The following UBAP2L variants were observed in gnomAD, a reference collection of about 807,000 sequenced individuals.
UBAP2L encodes ubiquitin-associated protein 2-like.
In UBAP2L, 12 loss-of-function variants were observed where a neutral mutation model predicts 130.6. The ratio of observed to expected loss-of-function variants is 0.09; its 90% CI spans 0.06 to 0.15. The LOEUF is 0.15. UBAP2L is among the 10% of genes least tolerant of loss of function. UBAP2L has a pLI of 1.00. For missense variants in UBAP2L, 965 were observed against 1,332.5 expected (o/e 0.72, Z 4.29); for synonymous variants, 503 against 524.7 (o/e 0.96, Z 0.57).
rs770656735 is a variant in UBAP2L at position 154,234,705 on chromosome 1, C to T, written c.394C>T (p.Arg132Trp). 21 of 1,612,478 alleles carry T rather than the reference C, an allele frequency of 1.3e-5. No homozygotes were observed. Among genetic ancestry groups the T allele is most frequent in the African/African-American group, 8.0e-5 (6 of 74,872 alleles). The change falls in exon 5 of 27, where the codon CGG becomes TGG. Residue 132 changes from arginine (R) to tryptophan (W), a missense_variant. Coordinates refer to ENST00000428931, the MANE Select transcript of UBAP2L (RefSeq NM_014847.4). ...ENRDRDRDYS[R>W]RRGGPPRRGR... is the part of the protein sequence containing the mutation. ...TCGAGACCGGGACAGAGACTATAGT[C>T]GGCGACGTGGTGGGCCACCAAGACG...
chr1:154,221,867 A>T (rs1666272864), intron 1 of UBAP2L, among the ~76,000 whole-genome samples: 1 of 152,170 alleles, frequency 6.6e-6, no homozygotes, highest in Non-Finnish European at 1.5e-5. Context: ...GGGTGTATTT[A>T]CGCTTAAGGG....
chr1:154,240,915 A>G (rs933844534), intron 8 of UBAP2L, among the ~76,000 whole-genome samples: 6 of 150,274 alleles, frequency 4.0e-5, no homozygotes, highest in Non-Finnish European at 7.4e-5. Context: ...TGCTTTGAGC[A>G]TTGGGTGGTT....
At chr1:154,230,071 A>G (rs1353540955) in intron 4 of UBAP2L, among the ~76,000 whole-genome samples, 1 of 151,832 alleles carries the variant, frequency 6.6e-6, no homozygotes, top group East Asian at 1.9e-4. Flanking sequence ...GCCGGAGTAC[A>G]TCTCGGCTCA....
At chr1:154,221,814 A>G (rs891941984) in intron 1 of UBAP2L, among the ~76,000 whole-genome samples, 1 of 152,146 alleles carries the variant, frequency 6.6e-6, no homozygotes, top group African/African-American at 2.4e-5. Context: ...GGGTACCCCA[A>G]ACAATTGTGT....
intron 24 of UBAP2L, among the ~76,000 whole-genome samples, chr1:154,264,174 G>A (rs953579340): frequency 2.0e-5 from 3 of 152,174 alleles, no homozygotes; most frequent in African/African-American, 7.2e-5. Flanking sequence ...TAAAGTTAAC[G>A]TGGACAGTGA....
rs775886088 is a variant in UBAP2L, at chr1:154,270,384, G to A, written c.*89G>A. ...AACAGCATCAAAGAGAAAGGAATGT[G>A]GGGGGTTTCCGCTGCCCCCCACCCC... is the stretch of plus-strand genomic sequence containing the variant. On this transcript the variant is annotated 3_prime_UTR_variant, in exon 27 of 27. Coordinates refer to ENST00000428931, the MANE Select transcript of UBAP2L (RefSeq NM_014847.4). 6.4e-7 allele frequency: 1 copy of A among 1,573,556 alleles called. No individual in the cohort carries two copies. The highest frequency in any genetic ancestry group is 1.4e-5 in the African/African-American group (1 of 73,970).
chr1:154,270,511 C>A lies in UBAP2L; in HGVS notation c.*216C>A, dbSNP rs577160181. The stretch of plus-strand genomic sequence containing the variant: ...GATTTGTATTTTCTCCTTTTTTTTC[C>A]CCCTTCCATTCCTTCTCCCCTCTTG... On this transcript the variant is annotated 3_prime_UTR_variant, in exon 27 of 27. Transcript: ENST00000428931. 1 of 1,445,566 alleles carries A rather than the reference C, an allele frequency of 6.9e-7. No homozygotes were observed. Among genetic ancestry groups the A allele is most frequent in the Non-Finnish European group, 9.1e-7 (1 of 1,103,266 alleles). 89.5% of individuals were successfully genotyped at this position (1,445,566 alleles called of 1,614,324 possible).
At chr1:154,254,222 C>T (rs1391660638) in intron 15 of UBAP2L, 133 bp downstream of exon 15, 1 of 825,460 alleles carries the variant, frequency 1.2e-6, no homozygotes, top group Non-Finnish European at 1.8e-6. Flanking sequence ...TTGAAAAAGG[C>T]ACACATCTGT....
intron 9 of UBAP2L, among the ~76,000 whole-genome samples, chr1:154,241,977 C>T (rs1024753470): frequency 4.6e-5 from 7 of 152,150 alleles, no homozygotes; most frequent in African/African-American, 1.4e-4. Context: ...GGATCCAAAG[C>T]GAGTGTTGTG....
rs754770608 is a variant in UBAP2L at position 154,251,306 on chromosome 1, C to T, written c.1479C>T (p.Ser493=). Residue 493 remains serine, a synonymous_variant, in exon 13 of 27, where the codon TCC becomes TCT. Coordinates refer to ENST00000428931, the MANE Select transcript of UBAP2L (RefSeq NM_014847.4). ...TGAAACAGCAGAAGAAAAAAGCCTC[C>T]TTGACTTCTAAGGTACTTAAACTTT... ...QKLKQQKKKA[S]LTSKIPALAV... is the part of the protein sequence containing the mutation. 3.7e-6 allele frequency: 6 copies of T among 1,612,870 alleles called. 1 individual carries two copies. The Admixed American group carries it at 1.0e-4, about 27-fold the overall frequency.
At chr1:154,263,730 C>G (rs1479682149) in intron 24 of UBAP2L, among the ~76,000 whole-genome samples, 1 of 152,202 alleles carries the variant, frequency 6.6e-6, no homozygotes, top group Non-Finnish European at 1.5e-5. Flanking sequence ...CCTGATTCTC[C>G]ATGCTTATGT....
chr1:154,270,725 A>G lies in UBAP2L; in HGVS notation c.*430A>G. ...CAAACAAAAAAATGGCGTCATGAAT[A>G]TGAACAGCATTGTCAGATGAATTAG... On this transcript the variant is annotated 3_prime_UTR_variant, in exon 27 of 27. Transcript: ENST00000428931. 2 of 1,413,928 alleles carry G rather than the reference A, an allele frequency of 1.4e-6. No homozygotes were observed. The highest frequency in any genetic ancestry group is 9.2e-7 in the Non-Finnish European group (1 of 1,090,464). The allele number at this position is 1,413,928 out of a possible 1,614,324, so 87.6% of individuals were successfully genotyped here.
chr1:154,222,467 G>A (rs1666582693), intron 1 of UBAP2L, among the ~76,000 whole-genome samples: 1 of 152,184 alleles, frequency 6.6e-6, no homozygotes, highest in Non-Finnish European at 1.5e-5. Flanking sequence ...CTTTGTGAAT[G>A]GGAAATATTG....
intron 1 of UBAP2L, among the ~76,000 whole-genome samples, chr1:154,223,465 T>TAC (rs1463908393): frequency 2.0e-5 from 3 of 152,150 alleles, no homozygotes; most frequent in Non-Finnish European, 2.9e-5. Flanking sequence ...TTTATATATA[T>TAC]ACGTATATAT....
At chr1:154,255,999 T>C (rs1679510431) in intron 18 of UBAP2L, among the ~76,000 whole-genome samples, 1 of 152,208 alleles carries the variant, frequency 6.6e-6, no homozygotes, top group African/African-American at 2.4e-5. Context: ...TTTCCCCTAC[T>C]GAATATATAG....
Position 154,240,345 on chromosome 1 carries a change from A to C in UBAP2L, c.704-1168A>C, listed in dbSNP as rs555455606. 1.4e-3 allele frequency among the ~76,000 whole-genome samples: 210 copies of C among 152,192 alleles called. 1 individual carries two copies. Among genetic ancestry groups the C allele is most frequent in the Non-Finnish European group, 2.3e-3 (154 of 68,012 alleles). Reference sequence around the variant, plus strand: ...CTGAAAATATATGTATACATGAAGCACAAAAAAGGAATGTGGAAGGTGGTT... The same window carrying C: ...CTGAAAATATATGTATACATGAAGCCCAAAAAAGGAATGTGGAAGGTGGTT... On this transcript the variant is annotated intron_variant, in intron 8 of 26. Coordinates refer to ENST00000428931, the MANE Select transcript of UBAP2L (RefSeq NM_014847.4).
rs1679949028 is a variant in UBAP2L at position 154,257,148 on chromosome 1, C to T, written c.2243C>T (p.Pro748Leu). 1.7e-5 allele frequency: 27 copies of T among 1,614,210 alleles called. No homozygotes were observed. The highest frequency in any genetic ancestry group is 2.3e-5 in the Non-Finnish European group (27 of 1,180,048). Residue 748 changes from proline to leucine, a missense_variant, in exon 19 of 27, where the codon CCA (proline) becomes CTA (leucine). Pro to Leu is a moderately conservative substitution (Grantham distance 98). Around this residue, in one of 9 missense-constraint regions of UBAP2L, gnomAD observed 393 missense variants for 408.1 expected, o/e 0.96. Coordinates refer to ENST00000428931, the MANE Select transcript of UBAP2L (RefSeq NM_014847.4). The stretch of plus-strand genomic sequence containing the variant: ...TCCAGCACAGTCTCTGCACCTCCCC[C>T]AGTGGTCAGTGTCTCCTCCAGTCTC... ...TTSSTVSAPP[P>L]VVSVSSSLNS...
At chr1:154,246,978 CAG>C (rs1406711298) in intron 11 of UBAP2L, among the ~76,000 whole-genome samples, 3 of 152,174 alleles carry the variant, frequency 2.0e-5, no homozygotes, top group East Asian at 1.9e-4. Context: ...CTTGTTGACT[CAG>C]AGCATTTAAA....
rs1445904746 is a variant in UBAP2L, at chr1:154,243,362, A to G, written c.842+60A>G. 25 of 1,514,420 alleles carry G rather than the reference A, an allele frequency of 1.7e-5. No individual in the cohort carries two copies. The East Asian group carries it at 2.5e-4, about 15-fold the overall frequency. 93.8% of individuals were successfully genotyped at this position (1,514,420 alleles called of 1,614,324 possible). A position where few individuals can be genotyped will look rare whatever the true frequency, so the allele number is the denominator to read the frequency against. On this transcript the variant is annotated intron_variant, in intron 10 of 26. Coordinates refer to ENST00000428931, the MANE Select transcript of UBAP2L (RefSeq NM_014847.4). Reference sequence around the variant, plus strand: ...AACACATCTGCTGAGATTACTGTAAAGAGAAGTGGCACTGGCCTTTGTAAA... The same window carrying G: ...AACACATCTGCTGAGATTACTGTAAGGAGAAGTGGCACTGGCCTTTGTAAA...
Sources: allele counts gnomAD v4.1 joint callset (sites outside exome capture counted in the v4.1 genomes callset), GRCh38; gene constraint gnomAD v4.1.1; regional missense constraint gnomAD v4.1.1; transcripts MANE v1.5; gene names NCBI Gene and HGNC (gene_info 2026-07-23, HGNC 2026-07-21).